Variants in ZFAND3 observed in about 807,000 individuals in gnomAD.
The protein encoded by ZFAND3 is zinc finger AN1-type containing 3, also known as AN1-type zinc finger protein 3.
In ZFAND3, 10 loss-of-function variants were observed where a neutral mutation model predicts 29.6. That is an observed-to-expected ratio of 0.34 (90% CI 0.21 to 0.57). The LOEUF (loss-of-function observed/expected upper bound fraction) is 0.57. Among genes scored for constraint, ZFAND3 ranks in the 20% least tolerant of loss-of-function variants. The probability of loss-of-function intolerance (pLI) is 0.86; values close to 1 mark genes in which losing one functional copy is unlikely to be tolerated. For missense variants in ZFAND3, 230 were observed against 304.5 expected, an observed-to-expected ratio of 0.76 and a Z score of 1.82; for synonymous variants, 128 against 112.6, an observed-to-expected ratio of 1.14 and a Z score of -0.87.
intron 1 of ZFAND3, among the ~76,000 whole-genome samples, chr6:37,894,390 T>G (rs936291860): frequency 1.3e-5 from 2 of 151,666 alleles, no homozygotes; most frequent in African/African-American, 4.8e-5. Flanking sequence ...CCTTTCCCTT[T>G]TTTTTTTTAA....
intron 2 of ZFAND3, among the ~76,000 whole-genome samples, chr6:37,985,527 A>ACCCC (rs57029796): frequency 7.1e-6 from 1 of 141,656 alleles, no homozygotes; most frequent in South Asian, 2.2e-4. Flanking sequence ...ACACACACAC[A>ACCCC]CCCCCACACA....
intron 5 of ZFAND3, among the ~76,000 whole-genome samples, chr6:38,147,665 T>C (rs1003808090): frequency 3.3e-5 from 5 of 152,242 alleles, no homozygotes; most frequent in Admixed American, 3.3e-4. Context: ...TTTTTAACAA[T>C]AGCCATACTG....
At chr6:37,930,726 C>G (rs2127412897) in intron 2 of ZFAND3, among the ~76,000 whole-genome samples, 1 of 152,188 alleles carries the variant, frequency 6.6e-6, no homozygotes, top group East Asian at 1.9e-4. Context: ...ACTTTTAGGT[C>G]TTTTTATTTT....
chr6:37,865,379 G>A (rs749664321), intron 1 of ZFAND3, among the ~76,000 whole-genome samples: 3 of 152,000 alleles, frequency 2.0e-5, no homozygotes, highest in Non-Finnish European at 2.9e-5. Context: ...TTCTTTTTCC[G>A]AATATTTTCA....
intron 5 of ZFAND3, among the ~76,000 whole-genome samples, chr6:38,143,876 C>G (rs993961554): frequency 2.0e-5 from 3 of 152,122 alleles, no homozygotes; most frequent in African/African-American, 7.2e-5. Flanking sequence ...AAAGCAGATG[C>G]CTTCCATTCC....
intron 2 of ZFAND3, among the ~76,000 whole-genome samples, chr6:37,942,654 A>G (rs1259180224): frequency 6.6e-6 from 1 of 152,178 alleles, no homozygotes; most frequent in East Asian, 1.9e-4. Context: ...CAGATAATTG[A>G]ATTTTGAGCC....
chr6:37,946,419 T>C (rs1475646414), intron 2 of ZFAND3, among the ~76,000 whole-genome samples: 1 of 152,236 alleles, frequency 6.6e-6, no homozygotes, highest in Non-Finnish European at 1.5e-5. Flanking sequence ...TATAGGCCTT[T>C]GTCGCACAGC....
intron 3 of ZFAND3, among the ~76,000 whole-genome samples, chr6:38,081,406 A>C (rs1764659493): frequency 6.6e-6 from 1 of 152,090 alleles, no homozygotes; most frequent in South Asian, 2.1e-4. Flanking sequence ...GAATCTCGGC[A>C]CTATACACTC....
intron 2 of ZFAND3, among the ~76,000 whole-genome samples, chr6:37,961,641 A>G (rs569990139): frequency 1.3e-4 from 20 of 152,340 alleles, no homozygotes; most frequent in Admixed American, 2.6e-4. Context: ...CCCCATCTCT[A>G]AGTGGCTCAG....
chr6:38,125,280 C>G (rs1013140283), intron 5 of ZFAND3, among the ~76,000 whole-genome samples: 1 of 152,188 alleles, frequency 6.6e-6, no homozygotes, highest in Admixed American at 6.5e-5. Flanking sequence ...CTCTGCTGCT[C>G]CTCTGTAAAT....
chr6:38,062,845 C>G (rs1764268693), intron 3 of ZFAND3, among the ~76,000 whole-genome samples: 1 of 151,890 alleles, frequency 6.6e-6, no homozygotes, highest in Non-Finnish European at 1.5e-5. Context: ...AAAAGCTCTA[C>G]TTGGCCAAGC....
intron 1 of ZFAND3, among the ~76,000 whole-genome samples, chr6:37,885,723 G>A (rs1426126456): frequency 1.3e-5 from 2 of 152,060 alleles, no homozygotes; most frequent in South Asian, 2.1e-4. Flanking sequence ...TGGTGTTGAT[G>A]TCCAAAATTA....
intron 2 of ZFAND3, among the ~76,000 whole-genome samples, chr6:37,952,270 AT>A (rs1762011537): frequency 6.6e-6 from 1 of 152,076 alleles, no homozygotes; most frequent in South Asian, 2.1e-4. Context: ...TAGTTTCAGT[AT>A]GATTGGTACC....
At chr6:37,841,473 A>G (rs1764073447) in intron 1 of ZFAND3, among the ~76,000 whole-genome samples, 1 of 151,880 alleles carries the variant, frequency 6.6e-6, no homozygotes, top group African/African-American at 2.4e-5. Flanking sequence ...ATTTGTTTTT[A>G]AGTTTTTGTT....
At chr6:38,120,038 G>T (rs1277504774) in intron 5 of ZFAND3, among the ~76,000 whole-genome samples, 2 of 152,166 alleles carry the variant, frequency 1.3e-5, no homozygotes, top group Non-Finnish European at 1.5e-5. Flanking sequence ...AAGGCATGTG[G>T]TTGCGAGGCT....
At chr6:37,843,122 A>C (rs77262011) in intron 1 of ZFAND3, among the ~76,000 whole-genome samples, 10 of 116,152 alleles carry the variant, frequency 8.6e-5, no homozygotes, top group South Asian at 2.5e-4. Flanking sequence ...ACTGTTTCAC[A>C]AAAAAAAAAA....
At chr6:37,947,184 A>G (rs1761918507) in intron 2 of ZFAND3, among the ~76,000 whole-genome samples, 1 of 152,212 alleles carries the variant, frequency 6.6e-6, no homozygotes, top group Admixed American at 6.5e-5. Flanking sequence ...AAATCTGTTA[A>G]CAGGAGGTTA....
At chr6:37,887,154 C>T (rs1051744837) in intron 1 of ZFAND3, among the ~76,000 whole-genome samples, 12 of 152,026 alleles carry the variant, frequency 7.9e-5, no homozygotes, top group Admixed American at 5.2e-4. Context: ...AATAAAAGCC[C>T]GTTTGGCTTT....
chr6:37,864,252 G>T (rs1764544138), intron 1 of ZFAND3, among the ~76,000 whole-genome samples: 2 of 152,146 alleles, frequency 1.3e-5, no homozygotes. Context: ...GTTTTTGCCA[G>T]GTTATGAGAC....
Sources: gnomAD v4.1 joint callset for allele counts (sites outside exome capture counted in the v4.1 genomes callset) on GRCh38, gnomAD v4.1.1 for gene constraint, MANE v1.5 for transcripts, NCBI Gene and HGNC (gene_info 2026-07-23, HGNC 2026-07-21) for gene names.